The following KIRREL3 variants were observed in gnomAD, a reference collection of about 807,000 sequenced individuals.
KIRREL3 encodes the protein kirre like nephrin family adhesion molecule 3, also known as kin of IRRE-like protein 3.
Under a neutral mutation model 89.7 loss-of-function variants are expected in KIRREL3, and 36 were observed. The observed-to-expected ratio is 0.40, with a 90% confidence interval of 0.31 to 0.53. The LOEUF is 0.53. KIRREL3 is among the 20% of genes least tolerant of loss of function. The pLI is 0.49. For synonymous variants in KIRREL3, 445 were observed against 441.4 expected, an observed-to-expected ratio of 1.01 and a Z score of -0.10; for missense variants, 864 against 1,056.6, an observed-to-expected ratio of 0.82 and a Z score of 2.53.
rs1013017116 is a variant in KIRREL3 at position 126,423,743 on chromosome 11, T to G, written c.*837A>C. 1 of 152,190 alleles carries G rather than the reference T, an allele frequency of 6.6e-6. No homozygotes were observed. The highest frequency in any genetic ancestry group is 1.5e-5 in the Non-Finnish European group (1 of 68,078). The allele number at this position is 152,190 out of a possible 1,614,324, so 9.4% of individuals were successfully genotyped here. A position where few individuals can be genotyped will look rare whatever the true frequency, so the allele number is the denominator to read the frequency against. On this transcript the variant is annotated 3_prime_UTR_variant, in exon 17 of 17. Coordinates refer to ENST00000525144, the MANE Select transcript of KIRREL3 (RefSeq NM_032531.4). ...ACCAGAGAAGCTCCCGCACTTCTTA[T>G]ATGAACTCCGATTGTGCTGAGGGGG...
Position 126,518,191 on chromosome 11 carries a change from A to C in KIRREL3, c.433+3124T>G, listed in dbSNP as rs549854655. On this transcript the variant is annotated intron_variant, in intron 4 of 16. Transcript: ENST00000525144. Reference sequence around the variant, plus strand: ...TTGCCTGATTGCATCTGAGAGCTGGAAACACAACGCTAATTAATGTGTCTG... The same window carrying C: ...TTGCCTGATTGCATCTGAGAGCTGGCAACACAACGCTAATTAATGTGTCTG... Among the ~76,000 whole-genome samples the C allele has an allele frequency of 2.0e-5, 3 of 152,240 alleles. 1 individual carries two copies. The South Asian group carries it at 6.2e-4, about 32-fold the overall frequency.
rs965946159 is a variant in KIRREL3, at chr11:126,451,486, G to A, written c.849-2329C>T. Among the ~76,000 whole-genome samples, 8 of 149,742 alleles carry A rather than the reference G, an allele frequency of 5.3e-5. No individual in the cohort carries two copies. The South Asian group carries it at 8.6e-4, about 16-fold the overall frequency. Reference sequence around the variant, plus strand: ...TGTGGGCATGTGCATGTGTGTGTGCGCATGTGTGTGCATGTGTGAGTGTGT... The same window carrying A: ...TGTGGGCATGTGCATGTGTGTGTGCACATGTGTGTGCATGTGTGAGTGTGT... On this transcript the variant is annotated intron_variant, in intron 7 of 16. Transcript: ENST00000525144.
chr11:126,954,866 T>C lies in KIRREL3; in HGVS notation c.55+45589A>G, dbSNP rs1008738797. On this transcript the variant is annotated intron_variant, in intron 1 of 16. Transcript: ENST00000525144. The surrounding 1 kb of genome is among the most constrained non-coding windows in gnomAD (Gnocchi z 4.1). ...CTATCATCATACGGCAAGCAGCAGC[T>C]CTTAGGTAATGAAAGCAGAAAGAAG... is the stretch of plus-strand genomic sequence containing the variant. 3.9e-5 allele frequency among the ~76,000 whole-genome samples: 6 copies of C among 152,158 alleles called. No homozygotes were observed. Among genetic ancestry groups the C allele is most frequent in the African/African-American group, 1.4e-4 (6 of 41,438 alleles).
At chr11:126,464,747 C>T (rs1956664578) in intron 5 of KIRREL3, among the ~76,000 whole-genome samples, 1 of 152,122 alleles carries the variant, frequency 6.6e-6, no homozygotes, top group Non-Finnish European at 1.5e-5. Flanking sequence ...AGGATTTTCC[C>T]CTGGAGCCTT....
intron 1 of KIRREL3, among the ~76,000 whole-genome samples, chr11:126,741,817 G>A (rs1948996149): frequency 6.6e-6 from 1 of 152,176 alleles, no homozygotes; most frequent in African/African-American, 2.4e-5. Flanking sequence ...CTAACATTTG[G>A]GAACCACTGA....
intron 8 of KIRREL3, among the ~76,000 whole-genome samples, chr11:126,447,825 A>C (rs1955880569): frequency 6.6e-6 from 1 of 152,190 alleles, no homozygotes; most frequent in African/African-American, 2.4e-5. Flanking sequence ...CTTTCTTCGG[A>C]GGCTTCAAGG....
intron 1 of KIRREL3, among the ~76,000 whole-genome samples, chr11:126,646,650 T>G (rs1156530151): frequency 1.3e-5 from 2 of 152,042 alleles, no homozygotes; most frequent in Non-Finnish European, 2.9e-5. Context: ...AACTTTTGTA[T>G]TTTTAGTAGA....
In KIRREL3 at chr11:126,635,329, T is replaced by C. The variant is rs1262721486; in HGVS notation, c.56-72417A>G. ...GAGCAAATCACGGTCTCCATGTTTTTCCTCCCTGGTCCCACATAGGTGAGT... is the reference window on the plus strand; with the variant it reads ...GAGCAAATCACGGTCTCCATGTTTTCCCTCCCTGGTCCCACATAGGTGAGT... On this transcript the variant is annotated intron_variant, in intron 1 of 16. Transcript: ENST00000525144. The surrounding 1 kb of genome is among the most constrained non-coding windows in gnomAD (Gnocchi z 4.0). Among the ~76,000 whole-genome samples, 3 of 152,208 alleles carry C rather than the reference T, an allele frequency of 2.0e-5. No homozygotes were observed. The highest frequency in any genetic ancestry group is 7.2e-5 in the African/African-American group (3 of 41,460).
Position 126,832,958 on chromosome 11 carries a change from A to G in KIRREL3, c.55+167497T>C, listed in dbSNP as rs1037966517. 2.6e-5 allele frequency among the ~76,000 whole-genome samples: 4 copies of G among 152,194 alleles called. No homozygotes were observed. In the East Asian group the frequency reaches 7.7e-4, roughly 29 times the overall value. On this transcript the variant is annotated intron_variant, in intron 1 of 16. Coordinates refer to ENST00000525144, the MANE Select transcript of KIRREL3 (RefSeq NM_032531.4). ...TGTTAAAATAACGTTAAAGGTCTGC[A>G]CTGAAGCAATCTGAAGCAGAGAATT...
At position 126,764,425 on chromosome 11, in the gene KIRREL3, A is replaced by G. The variant is rs150493361; in HGVS notation, c.56-201513T>C. Among the ~76,000 whole-genome samples, 3,185 of 152,216 alleles carry G rather than the reference A, an allele frequency of 0.021. 113 individuals are homozygous for G. Among genetic ancestry groups the G allele is most frequent in the African/African-American group, 0.073 (3,037 of 41,504 alleles). On this transcript the variant is annotated intron_variant, in intron 1 of 16. Transcript: ENST00000525144. The surrounding 1 kb of genome is among the most constrained non-coding windows in gnomAD (Gnocchi z 4.2). ...TAGAGATAGGTGGCAGTGTGGATTCAGGGCTGTGTGGTTCAAGATCAACTT... is the reference window on the plus strand; with the variant it reads ...TAGAGATAGGTGGCAGTGTGGATTCGGGGCTGTGTGGTTCAAGATCAACTT...
At chr11:126,786,229 A>G (rs566753602) in intron 1 of KIRREL3, among the ~76,000 whole-genome samples, 2 of 152,350 alleles carry the variant, frequency 1.3e-5, no homozygotes, top group South Asian at 2.1e-4. Flanking sequence ...AAAGGGGAAG[A>G]TAAAAATATG....
intron 1 of KIRREL3, among the ~76,000 whole-genome samples, chr11:126,737,152 C>A (rs1458267023): frequency 6.6e-6 from 1 of 152,124 alleles, no homozygotes; most frequent in African/African-American, 2.4e-5. Flanking sequence ...ATGAATGTGT[C>A]CCCTGATTGG....
chr11:126,671,343 C>T (rs529914112), intron 1 of KIRREL3, among the ~76,000 whole-genome samples: 20 of 151,508 alleles, frequency 1.3e-4, no homozygotes, highest in Middle Eastern at 3.4e-3. Flanking sequence ...GCTGAGATTA[C>T]GGGCATGAGC....
chr11:126,815,712 T>G (rs1414847599), intron 1 of KIRREL3, among the ~76,000 whole-genome samples: 1 of 151,942 alleles, frequency 6.6e-6, no homozygotes, highest in Non-Finnish European at 1.5e-5. Context: ...TTTTTGTATG[T>G]TTTTAGTAGA....
rs1478249818 is a variant in KIRREL3, at chr11:126,897,776, G to T, written c.55+102679C>A. ...AAGCCCATTTTATTCTCATGAAAAA[G>T]AATTTAATGACCCTCTGATATAAAA... is the stretch of plus-strand genomic sequence containing the variant. On this transcript the variant is annotated intron_variant, in intron 1 of 16. Coordinates refer to ENST00000525144, the MANE Select transcript of KIRREL3 (RefSeq NM_032531.4). This position sits in a 1 kb window ranked among gnomAD's most constrained non-coding sequence, Gnocchi z 4.2. Among the ~76,000 whole-genome samples the T allele has an allele frequency of 2.6e-5, 4 of 152,178 alleles. No homozygotes were observed. Among genetic ancestry groups the T allele is most frequent in the African/African-American group, 7.2e-5 (3 of 41,436 alleles).
At chr11:126,806,003 C>A (rs1951191944) in intron 1 of KIRREL3, among the ~76,000 whole-genome samples, 1 of 152,182 alleles carries the variant, frequency 6.6e-6, no homozygotes, top group Non-Finnish European at 1.5e-5. Context: ...TTTAAAAAAT[C>A]CACACCAAAT....
At chr11:126,913,535 A>G (rs1946909799) in intron 1 of KIRREL3, among the ~76,000 whole-genome samples, 1 of 152,220 alleles carries the variant, frequency 6.6e-6, no homozygotes, top group Non-Finnish European at 1.5e-5. Context: ...ATGGCCATGA[A>G]GGAGGCTGGC....
Position 126,755,289 on chromosome 11 carries a change from T to C in KIRREL3, c.56-192377A>G, listed in dbSNP as rs1949455432. The stretch of plus-strand genomic sequence containing the variant: ...ACATAGCCCTGCAGACAGTTCCCTC[T>C]TGATCCCTTGCACCAGGCTGGGTGG... On this transcript the variant is annotated intron_variant, in intron 1 of 16. Coordinates refer to ENST00000525144, the MANE Select transcript of KIRREL3 (RefSeq NM_032531.4). This position sits in a 1 kb window ranked among gnomAD's most constrained non-coding sequence, Gnocchi z 4.3. Among the ~76,000 whole-genome samples, 1 of 152,204 alleles carries C rather than the reference T, an allele frequency of 6.6e-6. No homozygotes were observed. The highest frequency in any genetic ancestry group is 2.4e-5 in the African/African-American group (1 of 41,444).
At chr11:126,910,426 G>A (rs1033548498) in intron 1 of KIRREL3, among the ~76,000 whole-genome samples, 1 of 152,142 alleles carries the variant, frequency 6.6e-6, no homozygotes, top group African/African-American at 2.4e-5. Flanking sequence ...CTTTGTAGTT[G>A]TCTGTATGAG....
Sources: gnomAD v4.1 joint callset for allele counts (sites outside exome capture counted in the v4.1 genomes callset) on GRCh38, gnomAD v4.1.1 for gene constraint, Gnocchi (gnomAD v3.1) non-coding constraint, MANE v1.5 for transcripts, NCBI Gene and HGNC (gene_info 2026-07-23, HGNC 2026-07-21) for gene names.